The following DSCAM variants were observed in gnomAD, a reference collection of about 807,000 sequenced individuals.
The protein encoded by DSCAM is cell adhesion molecule DSCAM.
In DSCAM, 47 loss-of-function variants were observed where a neutral mutation model predicts 217.7. That is an observed-to-expected ratio of 0.22 (90% CI 0.17 to 0.28). DSCAM has a LOEUF of 0.28. DSCAM is among the 10% of genes least tolerant of loss of function. The pLI, the probability that DSCAM is intolerant of heterozygous loss-of-function variation, is 1.00. For synonymous variants in DSCAM, 1,056 were observed against 1,015.3 expected, an observed-to-expected ratio of 1.04 and a Z score of -0.76; for missense variants, 2,080 against 2,618.3, an observed-to-expected ratio of 0.79 and a Z score of 4.49.
At chr21:40,166,113 A>AT (rs2146770634) in intron 16 of DSCAM, among the ~76,000 whole-genome samples, 1 of 152,236 alleles carries the variant, frequency 6.6e-6, no homozygotes, top group African/African-American at 2.4e-5. Context: ...ATGAAAATCC[A>AT]TTTTTGTTAC....
At chr21:40,810,751 A>G (rs1453081399) in intron 1 of DSCAM, among the ~76,000 whole-genome samples, 1 of 152,126 alleles carries the variant, frequency 6.6e-6, no homozygotes, top group African/African-American at 2.4e-5. Context: ...ATAAAAATTA[A>G]AAAACTATCC....
intron 3 of DSCAM, among the ~76,000 whole-genome samples, chr21:40,679,790 A>C (rs2090380287): frequency 6.6e-6 from 1 of 152,344 alleles, no homozygotes; most frequent in Non-Finnish European, 1.5e-5. Flanking sequence ...CTATTAGTTC[A>C]ATAGCATTCT....
At chr21:40,188,580 C>A (rs1479783737) in intron 12 of DSCAM, among the ~76,000 whole-genome samples, 1 of 152,130 alleles carries the variant, frequency 6.6e-6, no homozygotes. Context: ...TGCTCACAGT[C>A]CTTTTCTCTA....
chr21:40,290,394 G>A (rs1338302643), intron 10 of DSCAM, among the ~76,000 whole-genome samples: 1 of 152,130 alleles, frequency 6.6e-6, no homozygotes, highest in Non-Finnish European at 1.5e-5. Flanking sequence ...AGACCGAGTT[G>A]GGTGGATCAC....
chr21:40,649,396 A>G (rs927038869), intron 3 of DSCAM, among the ~76,000 whole-genome samples: 28 of 152,154 alleles, frequency 1.8e-4, no homozygotes, highest in African/African-American at 6.5e-4. Context: ...CACCACCACC[A>G]CAGCCTCCAT....
intron 3 of DSCAM, among the ~76,000 whole-genome samples, chr21:40,495,372 A>G (rs1030240864): frequency 2.0e-5 from 3 of 152,212 alleles, no homozygotes; most frequent in Admixed American, 6.5e-5. Context: ...GAATGGAAGA[A>G]TGGTTCAATA....
intron 3 of DSCAM, among the ~76,000 whole-genome samples, chr21:40,493,863 CAAAAA>C (rs57564776): frequency 0.011 from 1,411 of 125,362 alleles, 27 homozygotes; most frequent in African/African-American, 0.036. Flanking sequence ...AACTCCATCT[CAAAAA>C]AAAAAAAAAA....
intron 20 of DSCAM, among the ~76,000 whole-genome samples, chr21:40,100,835 G>C (rs2146608742): frequency 6.6e-6 from 1 of 152,230 alleles, no homozygotes; most frequent in Non-Finnish European, 1.5e-5. Flanking sequence ...TCTTCAGGTA[G>C]ACTTTGAACT....
At chr21:40,110,528 C>A (rs140539299) in intron 20 of DSCAM, among the ~76,000 whole-genome samples, 2 of 152,184 alleles carry the variant, frequency 1.3e-5, no homozygotes, top group Non-Finnish European at 1.5e-5. Context: ...TCCAAAGGAA[C>A]GTAGCTCCTC....
intron 3 of DSCAM, among the ~76,000 whole-genome samples, chr21:40,431,451 G>T (rs574685100): frequency 6.7e-6 from 1 of 149,344 alleles, no homozygotes; most frequent in African/African-American, 2.4e-5. Context: ...TGAGGACAAA[G>T]ACCTTTATGA....
intron 3 of DSCAM, among the ~76,000 whole-genome samples, chr21:40,653,062 G>A (rs78896678): frequency 0.19 from 29,128 of 152,096 alleles, 2,940 homozygotes; most frequent in African/African-American, 0.23. Flanking sequence ...ATAGGTCTCC[G>A]GGAAAGACAA....
At chr21:40,238,305 A>T (rs1373267589) in intron 11 of DSCAM, among the ~76,000 whole-genome samples, 1 of 152,240 alleles carries the variant, frequency 6.6e-6, no homozygotes, top group Non-Finnish European at 1.5e-5. Context: ...TATTTGGACA[A>T]GCATACTCAG....
intron 3 of DSCAM, among the ~76,000 whole-genome samples, chr21:40,598,810 T>A (rs1478442900): frequency 6.6e-6 from 1 of 152,172 alleles, no homozygotes; most frequent in Non-Finnish European, 1.5e-5. Flanking sequence ...GCCCAAACTG[T>A]CTTTTAAAGT....
intron 3 of DSCAM, among the ~76,000 whole-genome samples, chr21:40,637,166 AATAT>A (rs1395309983): frequency 3.5e-5 from 1 of 28,388 alleles, no homozygotes; most frequent in Non-Finnish European, 6.2e-5. Flanking sequence ...TATAAATATA[AATAT>A]ATATATAAAT....
At chr21:40,362,861 TACAC>T (rs752752819) in intron 4 of DSCAM, among the ~76,000 whole-genome samples, 10 of 152,206 alleles carry the variant, frequency 6.6e-5, no homozygotes, top group Non-Finnish European at 1.5e-4. Flanking sequence ...TATCTATATA[TACAC>T]ACACATGTAT....
chr21:40,162,483 C>T (rs373135866), intron 16 of DSCAM, among the ~76,000 whole-genome samples: 2 of 152,182 alleles, frequency 1.3e-5, no homozygotes, highest in African/African-American at 2.4e-5. Flanking sequence ...ACGATGACTA[C>T]GGAGGTCACT....
intron 3 of DSCAM, among the ~76,000 whole-genome samples, chr21:40,522,661 T>C (rs931506334): frequency 1.3e-5 from 2 of 152,162 alleles, no homozygotes; most frequent in African/African-American, 4.8e-5. Flanking sequence ...GATCAGCTGA[T>C]AGGTGTGATC....
chr21:40,160,513 T>G (rs939172153), intron 16 of DSCAM, among the ~76,000 whole-genome samples: 1 of 152,214 alleles, frequency 6.6e-6, no homozygotes, highest in Non-Finnish European at 1.5e-5. Context: ...GTGAATATTA[T>G]GCATAGTGTG....
At position 40,427,261 on chromosome 21, in the gene DSCAM, G is replaced by A. The variant is rs116488921; in HGVS notation, c.509-58016C>T. Among the ~76,000 whole-genome samples, 126 of 152,210 alleles carry A rather than the reference G, an allele frequency of 8.3e-4. 1 individual carries two copies. Among genetic ancestry groups the A allele is most frequent in the African/African-American group, 2.3e-3 (96 of 41,536 alleles). ...TGATCACTGTCCTGGGCATGAACCC[G>A]TGTGTCCCAGCTGATCACTGTCCTG... On this transcript the variant is annotated intron_variant, in intron 3 of 32. Coordinates refer to ENST00000400454, the MANE Select transcript of DSCAM (RefSeq NM_001389.5).
Sources: allele counts gnomAD v4.1 joint callset (sites outside exome capture counted in the v4.1 genomes callset), GRCh38; gene constraint gnomAD v4.1.1; transcripts MANE v1.5; gene names NCBI Gene and HGNC (gene_info 2026-07-23, HGNC 2026-07-21).